PIN4: variants seen among roughly 807,000 people sequenced by gnomAD.
PIN4 encodes the protein peptidyl-prolyl cis-trans isomerase NIMA-interacting 4.
A neutral mutation model predicts 8.3 loss-of-function variants in PIN4; 3 were observed. The observed-to-expected ratio is 0.36, with a 90% CI of 0.16 to 0.93. The LOEUF (loss-of-function observed/expected upper bound fraction) is 0.93, where lower values mean the gene tolerates loss of function less well. Ranked by LOEUF, PIN4 falls within the 40% of genes least tolerant of loss-of-function variation. PIN4 has a pLI of 0.44. For synonymous variants in PIN4, 18 were observed against 32.5 expected (o/e 0.55, Z 1.52); for missense variants, 75 against 100.6 (o/e 0.75, Z 1.09).
At chrX:72,246,388 CT>C (rs201414696) in intron 3 of PIN4, among the ~76,000 whole-genome samples, 2,586 of 111,865 alleles carry the variant, frequency 0.023, 85 homozygotes, top group African/African-American at 0.081. Context: ...CCTGGCTTGT[CT>C]TCCTGCTTCT....
intron 1 of PIN4, among the ~76,000 whole-genome samples, chrX:72,185,648 GCA>G (rs2042699224): frequency 8.9e-6 from 1 of 112,190 alleles, no homozygotes; most frequent in Admixed American, 9.5e-5. Context: ...TCAGCCTCTA[GCA>G]GTATGTAGGC....
At chrX:72,198,344 A>G (rs145531112), downstream of PIN4, 1,208 of 732,323 alleles carry the variant, frequency 1.6e-3, 10 homozygotes, top group African/African-American at 0.026. Flanking sequence ...CAACACAGCT[A>G]TGTGATTCTT....
intron 1 of PIN4, among the ~76,000 whole-genome samples, chrX:72,182,534 CCT>C (rs780439514): frequency 1.8e-5 from 2 of 108,344 alleles, no homozygotes; most frequent in African/African-American, 3.4e-5. Flanking sequence ...ACAGAGCGAG[CCT>C]CTGTCTCAAA....
chrX:72,188,278 A>G (rs992372032), intron 2 of PIN4, among the ~76,000 whole-genome samples: 2 of 112,629 alleles, frequency 1.8e-5, no homozygotes, highest in Non-Finnish European at 3.7e-5. Flanking sequence ...AATTTTGGCT[A>G]TATGCAGTTT....
chrX:72,216,672 C>A (rs778674980), intron 3 of PIN4, among the ~76,000 whole-genome samples: 1 of 111,417 alleles, frequency 9.0e-6, no homozygotes, highest in Non-Finnish European at 1.9e-5. Context: ...AGTATTTGTC[C>A]TTTTGTGTTT....
chrX:72,253,544 G>A (rs1302552734), intron 3 of PIN4, among the ~76,000 whole-genome samples: 1 of 111,390 alleles, frequency 9.0e-6, no homozygotes, highest in Non-Finnish European at 1.9e-5. Context: ...AGAACTGCTT[G>A]AACCCGGGAG....
chrX:72,184,866 G>A (rs2042691143), intron 1 of PIN4, among the ~76,000 whole-genome samples: 1 of 110,857 alleles, frequency 9.0e-6, no homozygotes, highest in Admixed American at 9.6e-5. Context: ...ATGGCGGCCA[G>A]GCGCGGTGGC....
At chrX:72,248,998 T>G (rs963377201) in intron 3 of PIN4, among the ~76,000 whole-genome samples, 2 of 112,362 alleles carry the variant, frequency 1.8e-5, no homozygotes, top group African/African-American at 6.5e-5. Context: ...CCAGGGGTTC[T>G]CAAGTCTGCA....
At chrX:72,245,643 G>A (rs928791432) in intron 3 of PIN4, among the ~76,000 whole-genome samples, 53 of 111,786 alleles carry the variant, frequency 4.7e-4, no homozygotes, top group African/African-American at 1.7e-3. Flanking sequence ...GATGGAGGCT[G>A]CCCCAGCCAA....
At chrX:72,255,708 T>A (rs893748123) in intron 3 of PIN4, 2 of 111,021 alleles carry the variant, frequency 1.8e-5, no homozygotes, top group African/African-American at 6.6e-5. Context: ...CACCCCCAGA[T>A]AATAGCCTGT....
At chrX:72,192,426 C>A (rs1353776213) in intron 2 of PIN4, among the ~76,000 whole-genome samples, 1 of 111,560 alleles carries the variant, frequency 9.0e-6, no homozygotes, top group East Asian at 2.8e-4. Flanking sequence ...TTTCTGAGAT[C>A]ATTGTTCCAT....
At position 72,254,660 on chromosome X, in the gene PIN4, G is replaced by A. The variant is rs758337451; in HGVS notation, c.313-8047G>A. On this transcript the variant is annotated intron_variant, in intron 3 of 3. Coordinates refer to the PIN4 transcript ENST00000423432. ...TCAAGTCCCTGAAGGAAACAAAGCT[G>A]ATTTTAAAAACTTGAGATCTGTGTC... Among the ~76,000 whole-genome samples, 16 of 112,481 alleles carry A rather than the reference G, an allele frequency of 1.4e-4. No individual in the cohort carries two copies. The East Asian group carries it at 4.4e-3, about 31-fold the overall frequency.
chrX:72,225,880 C>A (rs1449527846), intron 3 of PIN4, among the ~76,000 whole-genome samples: 1 of 111,846 alleles, frequency 8.9e-6, no homozygotes, highest in Non-Finnish European at 1.9e-5. Flanking sequence ...CAACTGGTAA[C>A]ATATTTTTCA....
intron 3 of PIN4, among the ~76,000 whole-genome samples, chrX:72,248,718 A>C (rs779274102): frequency 9.0e-6 from 1 of 111,282 alleles, no homozygotes; most frequent in African/African-American, 3.3e-5. Context: ...CTCTACTAAA[A>C]ATACAAAAAT....
chrX:72,262,658 C>T, intron 3 of PIN4: 1 of 859,496 alleles, frequency 1.2e-6, no homozygotes, highest in African/African-American at 2.0e-5. Flanking sequence ...TTATCTCTAG[C>T]AATCAGGTTA....
rs760802613 is a variant in PIN4, at chrX:72,182,026, A to T, written c.43+198A>T. ...TAGTGGGTAATGGAATCTGATGGGG[A>T]TAGTTCCTCGGAGGCGATGACTTAG... On this transcript the variant is annotated intron_variant, in intron 1 of 3. Transcript: ENST00000373669. 1.2e-4 allele frequency: 53 copies of T among 443,974 alleles called. No individual in the cohort carries two copies. In the Middle Eastern group the frequency reaches 1.4e-3, roughly 12 times the overall value. The allele number at this position is 443,974 out of a possible 1,213,427, so 36.6% of individuals were successfully genotyped here.
intron 3 of PIN4, among the ~76,000 whole-genome samples, chrX:72,213,887 T>A (rs1167336809): frequency 2.7e-5 from 3 of 111,580 alleles, no homozygotes; most frequent in African/African-American, 9.8e-5. Flanking sequence ...CCCACCACTA[T>A]CTTGGGAGCT....
intron 3 of PIN4, among the ~76,000 whole-genome samples, chrX:72,232,586 A>G (rs1260744818): frequency 8.9e-6 from 1 of 112,225 alleles, no homozygotes; most frequent in Non-Finnish European, 1.9e-5. Flanking sequence ...AGGCAGGCAG[A>G]TCACCTGAAG....
At position 72,263,075 on chromosome X, in the gene PIN4, G is replaced by A. The variant is rs1243646806; in HGVS notation, c.*279G>A. ...CACAGGGTGCCAGTGAACGGGCTAG[G>A]TGCTGGGGATAGAGTGGTGAACAAG... On this transcript the variant is annotated 3_prime_UTR_variant, in exon 4 of 4. Transcript: ENST00000423432. 3 of 241,154 alleles carry A rather than the reference G, an allele frequency of 1.2e-5. No homozygotes were observed. In the East Asian group the frequency reaches 2.6e-4, roughly 21 times the overall value. The allele number at this position is 241,154 out of a possible 1,213,427, so 19.9% of individuals were successfully genotyped here.
Sources: gnomAD v4.1 joint callset for allele counts (sites outside exome capture counted in the v4.1 genomes callset) on GRCh38, gnomAD v4.1.1 for gene constraint, MANE v1.5 for transcripts, NCBI Gene and HGNC (gene_info 2026-07-23, HGNC 2026-07-21) for gene names.